The following KCNQ5 variants were observed in gnomAD, a reference collection of about 807,000 sequenced individuals.
KCNQ5 encodes the protein potassium voltage-gated channel subfamily Q member 5, also known as potassium voltage-gated channel subfamily KQT member 5.
In KCNQ5, 30 loss-of-function variants were observed where a neutral mutation model predicts 98.2. That is an observed-to-expected ratio of 0.31 (90% CI 0.23 to 0.41). KCNQ5 has a LOEUF of 0.41. Ranked by LOEUF, KCNQ5 falls within the 10% of genes least tolerant of loss-of-function variation. The pLI, the probability that KCNQ5 is intolerant of heterozygous loss-of-function variation, is 1.00. For missense variants in KCNQ5, 835 were observed against 1,182.5 expected (o/e 0.71, Z 4.31); for synonymous variants, 458 against 449.4 (o/e 1.02, Z -0.24).
chr6:72,672,581 G>A (rs1299449256), intron 1 of KCNQ5, among the ~76,000 whole-genome samples: 2 of 152,054 alleles, frequency 1.3e-5, no homozygotes, highest in Non-Finnish European at 2.9e-5. Flanking sequence ...TACAGTCTTT[G>A]GCACTTTCTG....
rs764162888 is a variant in KCNQ5 at position 72,935,131 on chromosome 6, C to T, written c.399-68777C>T. On this transcript the variant is annotated intron_variant, in intron 1 of 13. Coordinates refer to ENST00000370398, the MANE Select transcript of KCNQ5 (RefSeq NM_019842.4). ...TTGTCACCAGGCTGGAGTGCAATGG[C>T]GTGATCTTGGCTCGCTGCAACCTCC... Among the ~76,000 whole-genome samples, 4 of 134,740 alleles carry T rather than the reference C, an allele frequency of 3.0e-5. No homozygotes were observed. The Middle Eastern group carries it at 0.016, about 526-fold the overall frequency. The allele number at this position is 134,740 out of a possible 152,430, so 88.4% of individuals were successfully genotyped here.
chr6:72,667,578 T>C (rs577498153), intron 1 of KCNQ5, among the ~76,000 whole-genome samples: 2 of 152,170 alleles, frequency 1.3e-5, no homozygotes, highest in Non-Finnish European at 2.9e-5. Flanking sequence ...TCACCCAAGA[T>C]ATTTATTAAT....
chr6:72,648,588 A>AT (rs1012804317), intron 1 of KCNQ5, among the ~76,000 whole-genome samples: 8 of 151,548 alleles, frequency 5.3e-5, no homozygotes, highest in African/African-American at 9.7e-5. Flanking sequence ...TGTTGTATAG[A>AT]TTTTTTTTTA....
chr6:72,820,034 A>G (rs1775680596), intron 1 of KCNQ5, among the ~76,000 whole-genome samples: 1 of 151,734 alleles, frequency 6.6e-6, no homozygotes, highest in Non-Finnish European at 1.5e-5. Context: ...CTACTCCTCC[A>G]TTTTTCTCCC....
At chr6:72,852,660 T>TATATATATATATATATATAA (rs1232591580) in intron 1 of KCNQ5, among the ~76,000 whole-genome samples, 15 of 128,494 alleles carry the variant, frequency 1.2e-4, no homozygotes, top group African/African-American at 3.3e-4. Context: ...TATATATATA[T>TATATATATATATATATATAA]AAATGGCACT....
chr6:73,149,205 T>C (rs1005842725), intron 10 of KCNQ5, among the ~76,000 whole-genome samples: 5 of 152,158 alleles, frequency 3.3e-5, no homozygotes, highest in African/African-American at 9.7e-5. Context: ...GGCATATCTG[T>C]TGTAAAATGG....
intron 1 of KCNQ5, among the ~76,000 whole-genome samples, chr6:72,760,679 A>G (rs1772222909): frequency 6.6e-6 from 1 of 151,954 alleles, no homozygotes; most frequent in Non-Finnish European, 1.5e-5. Flanking sequence ...GGCGGGTATT[A>G]TTTTTTCACT....
chr6:73,075,830 G>A (rs954189341), intron 3 of KCNQ5, among the ~76,000 whole-genome samples: 1 of 152,168 alleles, frequency 6.6e-6, no homozygotes, highest in Admixed American at 6.5e-5. Flanking sequence ...GATGATGTGA[G>A]CTCAGGAGTT....
intron 1 of KCNQ5, among the ~76,000 whole-genome samples, chr6:72,715,379 G>C (rs112997141): frequency 0.013 from 2,035 of 152,194 alleles, 34 homozygotes; most frequent in African/African-American, 0.042. Flanking sequence ...AGGGAATCTG[G>C]GTTTTACCTT....
intron 1 of KCNQ5, among the ~76,000 whole-genome samples, chr6:72,770,948 T>C (rs1019251073): frequency 4.6e-5 from 7 of 152,100 alleles, no homozygotes; most frequent in Non-Finnish European, 1.0e-4. Flanking sequence ...CTTTCACATT[T>C]AGAGAGAAAT....
At chr6:73,154,907 A>C (rs1199122475) in intron 10 of KCNQ5, among the ~76,000 whole-genome samples, 1 of 152,180 alleles carries the variant, frequency 6.6e-6, no homozygotes, top group Non-Finnish European at 1.5e-5. Context: ...CAAAAAAATT[A>C]ACCATAGTAC....
chr6:72,697,597 A>G (rs1252833885), intron 1 of KCNQ5, among the ~76,000 whole-genome samples: 1 of 152,238 alleles, frequency 6.6e-6, no homozygotes, highest in Non-Finnish European at 1.5e-5. Context: ...GTTTCTGTGA[A>G]AAATAAGCAA....
intron 2 of KCNQ5, among the ~76,000 whole-genome samples, chr6:73,031,751 A>G (rs1262944736): frequency 1.3e-5 from 2 of 152,236 alleles, no homozygotes; most frequent in African/African-American, 4.8e-5. Context: ...GTAGACATTT[A>G]TAAAATGAAT....
At chr6:72,716,067 T>C (rs978973741) in intron 1 of KCNQ5, among the ~76,000 whole-genome samples, 1 of 152,180 alleles carries the variant, frequency 6.6e-6, no homozygotes, top group African/African-American at 2.4e-5. Context: ...ATTCCTAATA[T>C]GTTATAGTTG....
At chr6:73,157,660 G>T in intron 10 of KCNQ5, 2 of 775,682 alleles carry the variant, frequency 2.6e-6, no homozygotes, top group African/African-American at 1.7e-5. Context: ...TCAGCTCTGT[G>T]GTGTACAAAG....
chr6:73,175,085 C>T (rs1778161078), intron 11 of KCNQ5, among the ~76,000 whole-genome samples: 1 of 152,084 alleles, frequency 6.6e-6, no homozygotes, highest in Non-Finnish European at 1.5e-5. Context: ...CCTGGAAGCA[C>T]TTGCCATTTT....
intron 9 of KCNQ5, among the ~76,000 whole-genome samples, chr6:73,124,958 TATATATATATATATATATATATAC>T (rs1562193327): frequency 1.9e-4 from 4 of 20,952 alleles, no homozygotes; most frequent in Admixed American, 8.9e-4. Context: ...TATATATATA[TATATATATATATATATATATATAC>T]ACACACACAC....
intron 1 of KCNQ5, among the ~76,000 whole-genome samples, chr6:72,702,984 C>T (rs1052280186): frequency 2.0e-5 from 3 of 152,144 alleles, no homozygotes; most frequent in African/African-American, 7.2e-5. Flanking sequence ...ATTCAGTCTC[C>T]TATGTGGATT....
chr6:72,683,001 G>T (rs949796787), intron 1 of KCNQ5, among the ~76,000 whole-genome samples: 1 of 152,174 alleles, frequency 6.6e-6, no homozygotes, highest in Non-Finnish European at 1.5e-5. Context: ...TTTAAGGATG[G>T]CTCTGCCCTC....
Sources: gnomAD v4.1 joint callset for allele counts (sites outside exome capture counted in the v4.1 genomes callset) on GRCh38, gnomAD v4.1.1 for gene constraint, MANE v1.5 for transcripts, NCBI Gene and HGNC (gene_info 2026-07-23, HGNC 2026-07-21) for gene names.